The following ITGBL1 variants were observed in gnomAD, a reference collection of about 807,000 sequenced individuals.
ITGBL1 encodes integrin beta-like protein 1.
Under a neutral mutation model 68.5 loss-of-function variants are expected in ITGBL1, and 51 were observed. The observed-to-expected ratio is 0.74, with a 90% CI of 0.59 to 0.94. The LOEUF (loss-of-function observed/expected upper bound fraction) is 0.94, where lower values mean the gene tolerates loss of function less well. Among genes scored for constraint, ITGBL1 ranks in the 40% least tolerant of loss-of-function variants. The pLI is 0.00. For missense variants in ITGBL1, 649 were observed against 647.4 expected, an observed-to-expected ratio of 1.00 and a Z score of -0.03; for synonymous variants, 209 against 227.3, an observed-to-expected ratio of 0.92 and a Z score of 0.72.
chr13:101,460,028 G>T (rs1239019395), intron 2 of ITGBL1, among the ~76,000 whole-genome samples: 1 of 152,050 alleles, frequency 6.6e-6, no homozygotes, highest in Non-Finnish European at 1.5e-5. Context: ...ATTTTTCTTA[G>T]ATTGTTGAAC....
chr13:101,521,625 G>A (rs1285238725), intron 2 of ITGBL1, among the ~76,000 whole-genome samples: 1 of 152,016 alleles, frequency 6.6e-6, no homozygotes, highest in Non-Finnish European at 1.5e-5. Context: ...CATCGAACCA[G>A]CTCGAAGACC....
At chr13:101,703,764 G>A (rs2034188504) in intron 8 of ITGBL1, among the ~76,000 whole-genome samples, 1 of 152,158 alleles carries the variant, frequency 6.6e-6, no homozygotes, top group South Asian at 2.1e-4. Flanking sequence ...AAGACAAGCA[G>A]CTTTTGGAAA....
intron 7 of ITGBL1, among the ~76,000 whole-genome samples, chr13:101,628,655 T>C (rs1409086558): frequency 1.3e-5 from 2 of 151,222 alleles, no homozygotes; most frequent in Non-Finnish European, 2.9e-5. Flanking sequence ...TTGTCCAGGA[T>C]GGTCTTGATC....
chr13:101,711,314 C>T (rs1225428374), intron 9 of ITGBL1: 1 of 152,194 alleles, frequency 6.6e-6, no homozygotes, highest in African/African-American at 2.4e-5. Context: ...TCCTTAAACT[C>T]TCACAGTGAT....
intron 8 of ITGBL1, among the ~76,000 whole-genome samples, chr13:101,703,801 C>T (rs1456101069): frequency 3.3e-5 from 5 of 152,098 alleles, no homozygotes; most frequent in Admixed American, 6.5e-5. Context: ...TGTAGGAGAT[C>T]GGTCAGGGTG....
intron 3 of ITGBL1, among the ~76,000 whole-genome samples, chr13:101,569,916 A>T (rs115929323): frequency 6.6e-6 from 1 of 152,140 alleles, no homozygotes; most frequent in African/African-American, 2.4e-5. Flanking sequence ...ACAAATGTGC[A>T]TTCTATGAGG....
At chr13:101,547,724 G>A (rs759918215) in intron 2 of ITGBL1, among the ~76,000 whole-genome samples, 2 of 151,530 alleles carry the variant, frequency 1.3e-5, no homozygotes, top group Non-Finnish European at 1.5e-5. Context: ...TTTTTAATAC[G>A]GAGAAAGGAT....
chr13:101,703,758 C>G (rs1030718357), intron 8 of ITGBL1, among the ~76,000 whole-genome samples: 2 of 152,104 alleles, frequency 1.3e-5, no homozygotes, highest in African/African-American at 4.8e-5. Context: ...ATGAGAAAGA[C>G]AAGCAGCTTT....
chr13:101,625,528 G>C (rs2031739855), intron 7 of ITGBL1, among the ~76,000 whole-genome samples: 1 of 150,778 alleles, frequency 6.6e-6, no homozygotes, highest in African/African-American at 2.4e-5. Flanking sequence ...GTCCCACTCA[G>C]TATTTTATTT....
At chr13:101,605,372 A>G (rs986669281) in intron 7 of ITGBL1, among the ~76,000 whole-genome samples, 1 of 151,272 alleles carries the variant, frequency 6.6e-6, no homozygotes, top group African/African-American at 2.4e-5. Flanking sequence ...GCATATGCGT[A>G]TATATACACA....
In ITGBL1 at chr13:101,598,220, C is replaced by T. The variant is rs1359252655; in HGVS notation, c.936C>T (p.His312=). ...GCTGGTATGGGAAGAAGTGTGAGCA[C>T]CCACAGTCCTGCACGCTGTCAGCTG... ...KAGWYGKKCE[H]PQSCTLSAEE... Residue 312 remains histidine, a synonymous_variant, in exon 7 of 11, where the codon CAC becomes CAT. Coordinates refer to ENST00000376180, the MANE Select transcript of ITGBL1 (RefSeq NM_004791.3). 1.2e-6 allele frequency: 2 copies of T among 1,613,798 alleles called. No individual in the cohort carries two copies. Among genetic ancestry groups the T allele is most frequent in the South Asian group, 2.2e-5 (2 of 91,070 alleles).
At chr13:101,553,019 G>C (rs1470455060) in intron 2 of ITGBL1, among the ~76,000 whole-genome samples, 3 of 152,296 alleles carry the variant, frequency 2.0e-5, no homozygotes, top group Non-Finnish European at 2.9e-5. Context: ...TTGTTAGTAG[G>C]AGAGGACTGA....
chr13:101,555,019 A>T (rs2139221276), intron 2 of ITGBL1, among the ~76,000 whole-genome samples: 1 of 152,332 alleles, frequency 6.6e-6, no homozygotes, highest in African/African-American at 2.4e-5. Flanking sequence ...CATCATAGTT[A>T]AACAACATCT....
intron 9 of ITGBL1, among the ~76,000 whole-genome samples, chr13:101,707,426 T>C (rs2031841): frequency 0.56 from 85,372 of 151,986 alleles, 24,459 homozygotes; most frequent in East Asian, 0.88. Context: ...TTTAATTTTT[T>C]TAAAAAGGAA....
At chr13:101,525,342 G>A (rs1437625984) in intron 2 of ITGBL1, among the ~76,000 whole-genome samples, 2 of 151,924 alleles carry the variant, frequency 1.3e-5, no homozygotes, top group African/African-American at 4.8e-5. Context: ...ATTACAAATG[G>A]CCTAAACTAT....
At chr13:101,604,429 C>A (rs921060953) in intron 7 of ITGBL1, among the ~76,000 whole-genome samples, 3 of 151,692 alleles carry the variant, frequency 2.0e-5, no homozygotes, top group African/African-American at 7.3e-5. Context: ...GTTTATAATT[C>A]ATTTCAGCCT....
chr13:101,684,782 TAGA>T (rs1188526773), intron 7 of ITGBL1, among the ~76,000 whole-genome samples: 2 of 151,974 alleles, frequency 1.3e-5, no homozygotes, highest in Non-Finnish European at 2.9e-5. Flanking sequence ...CTAATCCAAA[TAGA>T]AGGTTTTAAA....
At chr13:101,688,902 T>A (rs2033815972) in intron 7 of ITGBL1, among the ~76,000 whole-genome samples, 1 of 152,042 alleles carries the variant, frequency 6.6e-6, no homozygotes, top group Non-Finnish European at 1.5e-5. Flanking sequence ...AAATATTGAT[T>A]CAAAACATTA....
intron 2 of ITGBL1, among the ~76,000 whole-genome samples, chr13:101,487,402 T>C (rs2139052251): frequency 6.6e-6 from 1 of 152,310 alleles, no homozygotes; most frequent in African/African-American, 2.4e-5. Context: ...TTTACACCAA[T>C]GTCATTAAAA....
Sources: allele counts gnomAD v4.1 joint callset (sites outside exome capture counted in the v4.1 genomes callset), GRCh38; gene constraint gnomAD v4.1.1; transcripts MANE v1.5; gene names NCBI Gene and HGNC (gene_info 2026-07-23, HGNC 2026-07-21).